ME1: variants seen among roughly 807,000 people sequenced by gnomAD.
ME1 encodes NADP-dependent malic enzyme.
Under a neutral mutation model 66.4 loss-of-function variants are expected in ME1, and 74 were observed. The observed-to-expected ratio is 1.11, with a 90% CI of 0.92 to 1.35. ME1 has a LOEUF of 1.35. ME1 is among the 40% of genes most tolerant of loss of function. The pLI is 0.00. For missense variants in ME1, 750 were observed against 694.1 expected, an observed-to-expected ratio of 1.08 and a Z score of -0.90; for synonymous variants, 251 against 235.6, an observed-to-expected ratio of 1.07 and a Z score of -0.60.
rs1768565099 is a variant in ME1, at chr6:83,340,790, A to G, written c.600+5383T>C. Among the ~76,000 whole-genome samples the G allele has an allele frequency of 3.3e-5, 5 of 152,266 alleles. No homozygotes were observed. The South Asian group carries it at 1.0e-3, about 32-fold the overall frequency. On this transcript the variant is annotated intron_variant, in intron 5 of 13. Coordinates refer to ENST00000369705, the MANE Select transcript of ME1 (RefSeq NM_002395.6). ...CTGGGACAGTTTATATAGCATAGGA[A>G]CTATATTTCCTTAAAAGGTTGATGA...
chr6:83,237,565 T>G, intron 9 of ME1, 152 bp downstream of exon 9: 1 of 454,718 alleles, frequency 2.2e-6, no homozygotes, highest in Non-Finnish European at 3.9e-6. Flanking sequence ...TTCAGAAGAG[T>G]ATCAGTATTC....
chr6:83,277,366 CCA>C (rs1328187282), intron 6 of ME1, among the ~76,000 whole-genome samples: 2 of 152,106 alleles, frequency 1.3e-5, no homozygotes, highest in African/African-American at 4.8e-5. Flanking sequence ...CTCAGCACCC[CCA>C]GTTTAATTAG....
rs565162169 is a variant in ME1, at chr6:83,300,460, T to C, written c.704+14850A>G. On this transcript the variant is annotated intron_variant, in intron 6 of 13. Transcript: ENST00000369705. The stretch of plus-strand genomic sequence containing the variant: ...CAAAGTAAACAAAGAACCTACACAA[T>C]GGGAGAAAATATTTGTAAACTATGC... Among the ~76,000 whole-genome samples, 331 of 152,020 alleles carry C rather than the reference T, an allele frequency of 2.2e-3. 3 individuals carry two copies. The highest frequency in any genetic ancestry group is 7.7e-3 in the African/African-American group (321 of 41,508).
intron 1 of ME1, among the ~76,000 whole-genome samples, chr6:83,423,339 T>TA (rs1418757618): frequency 6.6e-6 from 1 of 151,980 alleles, no homozygotes; most frequent in African/African-American, 2.4e-5. Flanking sequence ...AAACCTGCTT[T>TA]AAAAAAATGT....
At position 83,363,064 on chromosome 6, in the gene ME1, C is replaced by T. The variant is rs550485262; in HGVS notation, c.363-10925G>A. On this transcript the variant is annotated intron_variant, in intron 3 of 13. Transcript: ENST00000369705. ...GGCCACGGATACTCTGAATCAGCGT[C>T]CAATATATGGCACTGTCTCACCCAC... Among the ~76,000 whole-genome samples the T allele has an allele frequency of 3.9e-5, 6 of 152,218 alleles. No individual in the cohort carries two copies. In the East Asian group the frequency reaches 1.2e-3, roughly 29 times the overall value.
chr6:83,281,649 TACA>T (rs1373966193), intron 6 of ME1, among the ~76,000 whole-genome samples: 3 of 150,170 alleles, frequency 2.0e-5, no homozygotes, highest in Non-Finnish European at 4.4e-5. Flanking sequence ...CTACTAAAAG[TACA>T]ACAATTAGCC....
intron 7 of ME1, among the ~76,000 whole-genome samples, chr6:83,244,728 C>T (rs1242619078): frequency 1.3e-5 from 2 of 151,796 alleles, no homozygotes; most frequent in Non-Finnish European, 2.9e-5. Context: ...GTATTGAGGT[C>T]GTGTGGAATG....
chr6:83,256,898 G>A (rs1490729567), intron 6 of ME1, among the ~76,000 whole-genome samples: 1 of 152,124 alleles, frequency 6.6e-6, no homozygotes, highest in African/African-American at 2.4e-5. Flanking sequence ...GCAAGGACAT[G>A]GATGAAGCTG....
intron 5 of ME1, among the ~76,000 whole-genome samples, chr6:83,345,237 A>C (rs1487741112): frequency 1.3e-5 from 2 of 152,220 alleles, no homozygotes; most frequent in Non-Finnish European, 1.5e-5. Flanking sequence ...CAGCTTTGAT[A>C]ATTTCTAAGC....
At chr6:83,241,894 ACT>A (rs1479768075) in intron 7 of ME1, among the ~76,000 whole-genome samples, 1 of 151,900 alleles carries the variant, frequency 6.6e-6, no homozygotes, top group African/African-American at 2.4e-5. Context: ...TCAGCGTCTT[ACT>A]CTGTCACCCA....
At chr6:83,426,636 C>G (rs1343719399) in intron 1 of ME1, among the ~76,000 whole-genome samples, 2 of 152,104 alleles carry the variant, frequency 1.3e-5, no homozygotes, top group Non-Finnish European at 2.9e-5. Context: ...TACAACACAC[C>G]CAACTAGGTC....
rs370161995 is a variant in ME1 at position 83,366,124 on chromosome 6, T to C, written c.363-13985A>G. On this transcript the variant is annotated intron_variant, in intron 3 of 13. Transcript: ENST00000369705. The stretch of plus-strand genomic sequence containing the variant: ...CAGATAATTTGGCTTCATCTCCCAT[T>C]AAGGTTCCCACCCTGTTCTTGGCAT... Among the ~76,000 whole-genome samples the C allele has an allele frequency of 3.6e-4, 55 of 152,324 alleles. 1 individual carries two copies. In the East Asian group the frequency reaches 8.1e-3, roughly 22 times the overall value.
intron 5 of ME1, among the ~76,000 whole-genome samples, chr6:83,320,314 C>A (rs1768126891): frequency 6.6e-6 from 1 of 152,124 alleles, no homozygotes; most frequent in Non-Finnish European, 1.5e-5. Context: ...AAATTATAGC[C>A]CAGTTCTTCA....
Position 83,398,357 on chromosome 6 carries a change from G to T in ME1, c.362+10C>A, listed in dbSNP as rs746951994. On this transcript the variant is annotated intron_variant, in intron 3 of 13. Transcript: ENST00000369705. The stretch of plus-strand genomic sequence containing the variant: ...GACACAAGTTGCATATAAAATAAAA[G>T]TTGACATACCTTGGCTTCCGAAACA... 1 of 1,554,538 alleles carries T rather than the reference G, an allele frequency of 6.4e-7. No homozygotes were observed. The highest frequency in any genetic ancestry group is 1.3e-5 in the South Asian group (1 of 78,818).
intron 3 of ME1, among the ~76,000 whole-genome samples, chr6:83,382,197 T>G (rs569288343): frequency 6.6e-6 from 1 of 152,240 alleles, no homozygotes; most frequent in East Asian, 1.9e-4. Context: ...CAAACAGTAC[T>G]CATGTATTTC....
chr6:83,291,070 T>G (rs1767492937), intron 6 of ME1, among the ~76,000 whole-genome samples: 1 of 152,222 alleles, frequency 6.6e-6, no homozygotes, highest in South Asian at 2.1e-4. Context: ...TGACTCTTCA[T>G]CCAATTTGCC....
intron 1 of ME1, among the ~76,000 whole-genome samples, chr6:83,429,147 C>T (rs1770432446): frequency 6.6e-6 from 1 of 152,148 alleles, no homozygotes; most frequent in Non-Finnish European, 1.5e-5. Flanking sequence ...CTTGTAGTCT[C>T]AGCTACTCGG....
At chr6:83,274,540 T>C (rs1247309942) in intron 6 of ME1, among the ~76,000 whole-genome samples, 1 of 152,228 alleles carries the variant, frequency 6.6e-6, no homozygotes, top group Admixed American at 6.5e-5. Flanking sequence ...TTCTTCTATT[T>C]AGTATCCATT....
intron 6 of ME1, among the ~76,000 whole-genome samples, chr6:83,298,722 C>A (rs1182243555): frequency 6.6e-6 from 1 of 151,046 alleles, no homozygotes; most frequent in East Asian, 1.9e-4. Flanking sequence ...GACTTTAATC[C>A]ATCTTGAGTT....
Sources: gnomAD v4.1 joint callset for allele counts (sites outside exome capture counted in the v4.1 genomes callset) on GRCh38, gnomAD v4.1.1 for gene constraint, MANE v1.5 for transcripts, NCBI Gene and HGNC (gene_info 2026-07-23, HGNC 2026-07-21) for gene names.